LAMB3: variants seen among roughly 807,000 people sequenced by gnomAD.
LAMB3 encodes the protein laminin subunit beta 3, also known as laminin subunit beta-3.
A neutral mutation model predicts 140.3 loss-of-function variants in LAMB3; 104 were observed. The ratio of observed to expected loss-of-function variants is 0.74; its 90% CI spans 0.63 to 0.87. The LOEUF is 0.87. Among genes scored for constraint, LAMB3 ranks in the 40% least tolerant of loss-of-function variants. The probability of loss-of-function intolerance (pLI) is 0.00; values close to 1 mark genes in which losing one functional copy is unlikely to be tolerated. For missense variants in LAMB3, 1,531 were observed against 1,575.2 expected (o/e 0.97, Z 0.47); for synonymous variants, 592 against 602.9 (o/e 0.98, Z 0.26).
intron 17 of LAMB3, 133 bp downstream of exon 17, chr1:209,622,849 C>T: frequency 7.4e-7 from 1 of 1,353,866 alleles, no homozygotes; most frequent in Non-Finnish European, 1.1e-6. Flanking sequence ...CTATCTTGCA[C>T]TTGCTGTGGC....
At chr1:209,640,875 A>G (rs1397710977) in intron 3 of LAMB3, among the ~76,000 whole-genome samples, 1 of 151,922 alleles carries the variant, frequency 6.6e-6, no homozygotes, top group Non-Finnish European at 1.5e-5. Context: ...AGGTCAGGAG[A>G]TCGAGACCAT....
intron 3 of LAMB3, among the ~76,000 whole-genome samples, chr1:209,649,151 C>A (rs1558169780): frequency 6.6e-6 from 1 of 152,160 alleles, no homozygotes; most frequent in Non-Finnish European, 1.5e-5. Context: ...CCTTCCACAG[C>A]CCAGAAGACA....
intron 9 of LAMB3, 112 bp from the exon 10 acceptor site, chr1:209,630,037 C>G (rs1666623106): frequency 9.4e-7 from 1 of 1,062,788 alleles, no homozygotes; most frequent in Non-Finnish European, 1.4e-6. Flanking sequence ...ATGATCAAGG[C>G]AGGGAAGTGG....
intron 13 of LAMB3, among the ~76,000 whole-genome samples, chr1:209,626,425 C>T (rs1402984744): frequency 6.6e-6 from 1 of 152,198 alleles, no homozygotes; most frequent in Non-Finnish European, 1.5e-5. Flanking sequence ...GAGGCAGGGG[C>T]AGAGCTGGGA....
chr1:209,617,790 C>G (rs1558147241), intron 20 of LAMB3, 117 bp downstream of exon 20: 3 of 1,413,180 alleles, frequency 2.1e-6, no homozygotes, highest in East Asian at 4.6e-5. Flanking sequence ...GCTTGTCACT[C>G]TCCTCTAGAA....
chr1:209,628,860 T>C (rs1249915600), intron 10 of LAMB3, among the ~76,000 whole-genome samples: 1 of 152,244 alleles, frequency 6.6e-6, no homozygotes, highest in Non-Finnish European at 1.5e-5. Context: ...TGTTGCCTCA[T>C]GTAATCTTCA....
chr1:209,652,100 T>C (rs1023085360), intron 1 of LAMB3: 5 of 152,270 alleles, frequency 3.3e-5, no homozygotes, highest in African/African-American at 7.3e-5. Context: ...CCCCTGCAAG[T>C]AGGCATTCTG....
At chr1:209,634,361 C>T (rs1666812569) in intron 6 of LAMB3, 86 bp downstream of exon 6, 3 of 1,413,596 alleles carry the variant, frequency 2.1e-6, no homozygotes, top group Non-Finnish European at 3.0e-6. Context: ...GTTTCCGTCC[C>T]TTCTCAGGAG....
chr1:209,630,821 C>A, intron 8 of LAMB3, 86 bp from the exon 9 acceptor site: 1 of 1,480,004 alleles, frequency 6.8e-7, no homozygotes, highest in South Asian at 1.2e-5. Flanking sequence ...TGACCCTCTG[C>A]GCACCACTCA....
intron 7 of LAMB3, 61 bp downstream of exon 7, chr1:209,633,009 C>T: frequency 7.6e-7 from 1 of 1,309,100 alleles, no homozygotes; most frequent in Non-Finnish European, 1.1e-6. Context: ...ATGACCTGGG[C>T]TCCAACTCTG....
chr1:209,617,828 T>C (rs750272534), intron 20 of LAMB3, 79 bp downstream of exon 20: 6 of 1,565,814 alleles, frequency 3.8e-6, no homozygotes, highest in Non-Finnish European at 5.3e-6. Context: ...TCTAGTCACT[T>C]TCTGGCATTT....
In LAMB3 at chr1:209,650,048, C is replaced by T. The variant is rs1445708094; in HGVS notation, c.99G>A (p.Leu33=). 6.2e-7 allele frequency: 1 copy of T among 1,614,156 alleles called. No homozygotes were observed. Among genetic ancestry groups the T allele is most frequent in the East Asian group, 2.2e-5 (1 of 44,864 alleles). The change falls in exon 3 of 23, where the codon CTG becomes CTA. Residue 33 remains leucine (L), a synonymous_variant. Coordinates refer to ENST00000356082, the MANE Select transcript of LAMB3 (RefSeq NM_000228.3). ...GGAGAAACCGGGTCCTCCCAACAAG[C>T]AGGTCCCCAACAGGTGGATAGCAGG... ...RGACYPPVGD[L]LVGRTRFLRA...
At chr1:209,622,415 G>A (rs1041133707) in intron 18 of LAMB3, 121 bp downstream of exon 18, 1 of 1,172,188 alleles carries the variant, frequency 8.5e-7, no homozygotes, top group Non-Finnish European at 1.3e-6. Flanking sequence ...AAGGAGAAGT[G>A]GAGGCCTGGA....
chr1:209,617,717 T>C, intron 20 of LAMB3, 131 bp from the exon 21 acceptor site: 2 of 1,245,054 alleles, frequency 1.6e-6, no homozygotes, highest in South Asian at 2.5e-5. Context: ...TGCCCACCTC[T>C]CACCCCTCCT....
Position 209,626,878 on chromosome 1 carries a change from G to A in LAMB3, c.1586C>T (p.Thr529Ile), listed in dbSNP as rs754971420. Residue 529 changes from threonine (T) to isoleucine (I), a missense_variant, in exon 13 of 23, where the codon ACA becomes ATA. Coordinates refer to ENST00000356082, the MANE Select transcript of LAMB3 (RefSeq NM_000228.3). ...CTTTGAGCATGCACCTCGGCATCCT[G>A]TGGCCACGTCTCCATAGGTCCGGTC... ...CPDRTYGDVA[T>I]GCRACDCDFR... The A allele has an allele frequency of 3.7e-6, 6 of 1,613,138 alleles. No homozygotes were observed. Among genetic ancestry groups the A allele is most frequent in the Middle Eastern group, 1.6e-4 (1 of 6,078 alleles).
At chr1:209,631,411 CTG>C (rs1281308589) in intron 8 of LAMB3, among the ~76,000 whole-genome samples, 36 of 152,206 alleles carry the variant, frequency 2.4e-4, no homozygotes, top group African/African-American at 8.4e-4. Flanking sequence ...TCTCTTCTCT[CTG>C]TATTCATTCA....
intron 20 of LAMB3, 90 bp from the exon 21 acceptor site, chr1:209,617,676 A>G: frequency 6.8e-7 from 1 of 1,477,162 alleles, no homozygotes; most frequent in South Asian, 1.2e-5. Context: ...ATCAGGCAGC[A>G]AAAACCCTCT....
intron 5 of LAMB3, among the ~76,000 whole-genome samples, chr1:209,635,718 A>G (rs1437279487): frequency 6.6e-6 from 1 of 152,208 alleles, no homozygotes; most frequent in Non-Finnish European, 1.5e-5. Flanking sequence ...TATTTTTAGT[A>G]GAGACAGGGT....
intron 22 of LAMB3, 57 bp downstream of exon 22, chr1:209,616,414 G>A (rs1665963950): frequency 3.1e-6 from 5 of 1,598,086 alleles, no homozygotes; most frequent in Non-Finnish European, 4.3e-6. Flanking sequence ...CCTTGGGTTG[G>A]GTGGGACCAG....
Sources: gnomAD v4.1 joint callset for allele counts (sites outside exome capture counted in the v4.1 genomes callset) on GRCh38, gnomAD v4.1.1 for gene constraint, MANE v1.5 for transcripts, NCBI Gene and HGNC (gene_info 2026-07-23, HGNC 2026-07-21) for gene names.